The following RYK variants were observed in gnomAD, a reference collection of about 807,000 sequenced individuals.
RYK encodes the protein receptor like tyrosine kinase.
RYK carries 21 observed loss-of-function variants against 70.2 expected under a neutral mutation model. That is an observed-to-expected ratio of 0.30 (90% CI 0.21 to 0.43). The LOEUF (loss-of-function observed/expected upper bound fraction) is 0.43, where lower values mean the gene tolerates loss of function less well. Ranked by LOEUF, RYK falls within the 20% of genes least tolerant of loss-of-function variation. The probability of loss-of-function intolerance (pLI) is 1.00; values close to 1 mark genes in which losing one functional copy is unlikely to be tolerated. For synonymous variants in RYK, 267 were observed against 278.0 expected, an observed-to-expected ratio of 0.96 and a Z score of 0.39; for missense variants, 604 against 753.3, an observed-to-expected ratio of 0.80 and a Z score of 2.32.
intron 9 of RYK, among the ~76,000 whole-genome samples, chr3:134,185,022 T>C (rs2013417622): frequency 6.7e-6 from 1 of 148,704 alleles, no homozygotes; most frequent in Non-Finnish European, 1.5e-5. Context: ...GTATTCCTAG[T>C]TACTCAGGTG....
intron 4 of RYK, among the ~76,000 whole-genome samples, chr3:134,208,708 G>C (rs931279203): frequency 4.6e-5 from 7 of 152,266 alleles, no homozygotes; most frequent in Middle Eastern, 3.4e-3. Context: ...GTTTAACAAA[G>C]AGGCTGAGAG....
intron 5 of RYK, among the ~76,000 whole-genome samples, chr3:134,206,617 T>G (rs2014219243): frequency 6.6e-6 from 1 of 152,182 alleles, no homozygotes; most frequent in Non-Finnish European, 1.5e-5. Flanking sequence ...TAAATCAAAA[T>G]GAATAGGTAT....
In RYK at chr3:134,191,917, G is replaced by A. The variant is rs2013652577; in HGVS notation, c.947C>T (p.Ala316Val). 6.2e-7 allele frequency: 1 copy of A among 1,612,768 alleles called. No individual in the cohort carries two copies. Among genetic ancestry groups the A allele is most frequent in the Non-Finnish European group, 8.5e-7 (1 of 1,179,298 alleles). ...NDLRSVTLLEAKGKVKDIAIS... is the reference protein window; with the variant it reads ...NDLRSVTLLEVKGKVKDIAIS... ...TGCTATATCCTTCACCTTGCCTTTG[G>A]CCTCCAAAAGAGTGACACTTCTCAA... The change falls in exon 8 of 15, where the codon GCC becomes GTC. Residue 316 changes from alanine (A) to valine (V), a missense_variant. Ala to Val is a moderately conservative substitution (Grantham distance 64). Coordinates refer to ENST00000623711, the MANE Select transcript of RYK (RefSeq NM_002958.4).
intron 1 of RYK, among the ~76,000 whole-genome samples, chr3:134,238,793 T>C (rs1355526226): frequency 6.6e-6 from 1 of 152,196 alleles, no homozygotes; most frequent in African/African-American, 2.4e-5. Flanking sequence ...CCAAGTCAAA[T>C]TGCTAGGGCT....
chr3:134,225,696 A>C (rs139909423), intron 1 of RYK, among the ~76,000 whole-genome samples: 7 of 152,196 alleles, frequency 4.6e-5, no homozygotes, highest in Non-Finnish European at 8.8e-5. Flanking sequence ...TCTATAAAAA[A>C]CTTTTTTTAA....
At chr3:134,165,548 G>A (rs1227396904) in intron 13 of RYK, among the ~76,000 whole-genome samples, 1 of 152,212 alleles carries the variant, frequency 6.6e-6, no homozygotes, top group Non-Finnish European at 1.5e-5. Context: ...CCTCCTCTTA[G>A]ATGCCTCTTT....
intron 2 of RYK, among the ~76,000 whole-genome samples, chr3:134,216,768 G>A (rs1346790635): frequency 8.0e-6 from 1 of 125,350 alleles, no homozygotes; most frequent in Non-Finnish European, 1.6e-5. Flanking sequence ...ACTCCAGCCT[G>A]GGCGACAGAG....
chr3:134,195,573 C>G (rs1248431558), intron 6 of RYK, among the ~76,000 whole-genome samples: 1 of 152,228 alleles, frequency 6.6e-6, no homozygotes, highest in Admixed American at 6.5e-5. Flanking sequence ...AGGCCTCTTT[C>G]AATGATGGCC....
intron 1 of RYK, among the ~76,000 whole-genome samples, chr3:134,229,023 A>G (rs867911898): frequency 3.9e-5 from 6 of 152,194 alleles, no homozygotes; most frequent in South Asian, 2.1e-4. Context: ...TTAAAAAATA[A>G]ATGTTTAAAA....
At chr3:134,246,343 C>CACACAGAG (rs1553713139) in intron 1 of RYK, among the ~76,000 whole-genome samples, 5 of 105,810 alleles carry the variant, frequency 4.7e-5, no homozygotes, top group African/African-American at 1.4e-4. Context: ...CACACACACA[C>CACACAGAG]AGAGAGAGAG....
intron 1 of RYK, among the ~76,000 whole-genome samples, 178 bp downstream of exon 1, chr3:134,250,245 G>A (rs1254130876): frequency 6.6e-6 from 1 of 152,092 alleles, no homozygotes; most frequent in East Asian, 1.9e-4. Flanking sequence ...GGACCGGGCA[G>A]GGACCACACC....
chr3:134,169,146 T>C (rs1473857617), intron 13 of RYK, among the ~76,000 whole-genome samples: 1 of 152,200 alleles, frequency 6.6e-6, no homozygotes, highest in African/African-American at 2.4e-5. Flanking sequence ...CCATAAACCA[T>C]GCTGATAATA....
chr3:134,248,826 C>T (rs1409010772), intron 1 of RYK, among the ~76,000 whole-genome samples: 2 of 152,048 alleles, frequency 1.3e-5, no homozygotes, highest in African/African-American at 4.8e-5. Context: ...TGACCTTGAG[C>T]AAGTTACTTT....
intron 1 of RYK, among the ~76,000 whole-genome samples, chr3:134,227,953 G>A (rs1476845092): frequency 6.6e-6 from 1 of 152,158 alleles, no homozygotes; most frequent in Non-Finnish European, 1.5e-5. Context: ...GATTACAGGC[G>A]TGAGCCACCG....
chr3:134,160,832 G>A (rs974611079), intron 13 of RYK, among the ~76,000 whole-genome samples: 6 of 152,132 alleles, frequency 3.9e-5, no homozygotes, highest in Non-Finnish European at 8.8e-5. Context: ...TCCAGCCTGG[G>A]CAACAAAGCG....
rs550885337 is a variant in RYK at position 134,175,601 on chromosome 3, G to A, written c.1575+8C>T. ...ATTCTTTTGCTATCTGGGGGTCCCG[G>A]CACTTACCACATCACTAGCGCTAGA... On this transcript the variant is annotated splice_region_variant and intron_variant, in intron 13 of 14. Transcript: ENST00000623711. 1 of 1,612,606 alleles carries A rather than the reference G, an allele frequency of 6.2e-7. No individual in the cohort carries two copies. The highest frequency in any genetic ancestry group is 1.1e-5 in the South Asian group (1 of 90,894).
At chr3:134,208,166 A>T (rs1230565544) in intron 4 of RYK, among the ~76,000 whole-genome samples, 4 of 152,236 alleles carry the variant, frequency 2.6e-5, no homozygotes, top group Non-Finnish European at 4.4e-5. Context: ...CACACATATT[A>T]AAGAAAATGG....
At chr3:134,170,871 T>C (rs766623406) in intron 13 of RYK, 14 of 156,010 alleles carry the variant, frequency 9.0e-5, no homozygotes, top group Admixed American at 2.6e-4. Context: ...GCAAAAAAGC[T>C]AGGTGAGAGG....
At chr3:134,205,537 T>C (rs377556103) in intron 5 of RYK, among the ~76,000 whole-genome samples, 14 of 152,298 alleles carry the variant, frequency 9.2e-5, no homozygotes, top group African/African-American at 3.1e-4. Context: ...TTAGCAGTAC[T>C]GTCCAAGCAC....
Sources: gnomAD v4.1 joint callset for allele counts (sites outside exome capture counted in the v4.1 genomes callset) on GRCh38, gnomAD v4.1.1 for gene constraint, MANE v1.5 for transcripts, NCBI Gene and HGNC (gene_info 2026-07-23, HGNC 2026-07-21) for gene names.